Variants in ZNF226 observed in about 807,000 individuals in gnomAD.
ZNF226 encodes the protein Kruppel-associated box protein.
Under a neutral mutation model 11.4 loss-of-function variants are expected in ZNF226, and 6 were observed. The ratio of observed to expected loss-of-function variants is 0.53; its 90% CI spans 0.29 to 1.04. The LOEUF (loss-of-function observed/expected upper bound fraction) is 1.04. Among genes scored for constraint, ZNF226 ranks in the 50% least tolerant of loss-of-function variants. The pLI, the probability that ZNF226 is intolerant of heterozygous loss-of-function variation, is 0.08. For missense variants in ZNF226, 1,058 were observed against 956.5 expected (o/e 1.11, Z -1.40); for synonymous variants, 350 against 322.8 (o/e 1.08, Z -0.90).
At chr19:44,178,740 T>G (rs984367697), downstream of ZNF226, among the ~76,000 whole-genome samples, 1 of 152,150 alleles carries the variant, frequency 6.6e-6, no homozygotes, top group African/African-American at 2.4e-5. Flanking sequence ...AATTTTTGAT[T>G]AGGAGATTCA....
chr19:44,174,484 C>T (rs1157499475), intron 5 of ZNF226: 1 of 152,236 alleles, frequency 6.6e-6, no homozygotes, highest in Non-Finnish European at 1.5e-5. Flanking sequence ...TTTGCTTCTT[C>T]CAAAGTCCAC....
the ZNF226 span, among the ~76,000 whole-genome samples, chr19:44,194,789 A>G: frequency 0.14 from 21,391 of 152,214 alleles, 3,833 homozygotes; most frequent in African/African-American, 0.41. Context: ...CATACAGACA[A>G]CACAAAAAGA....
intron 2 of ZNF226, chr19:44,166,898 GTT>G (rs1474671554): frequency 6.6e-6 from 1 of 152,180 alleles, no homozygotes; most frequent in African/African-American, 2.4e-5. Context: ...CGAGATGCAT[GTT>G]AAAGTTTGAG....
the ZNF226 span, among the ~76,000 whole-genome samples, chr19:44,190,898 A>T: frequency 6.6e-6 from 1 of 152,314 alleles, no homozygotes; most frequent in South Asian, 2.1e-4. Context: ...AAATATTTCC[A>T]CCTTTGTTCA....
At chr19:44,178,046 A>G (rs372458543), downstream of ZNF226, 1 of 166,802 alleles carries the variant, frequency 6.0e-6, no homozygotes, top group Non-Finnish European at 1.3e-5. Flanking sequence ...TTTGAAAATT[A>G]TGTTGAGATC....
At chr19:44,182,406 T>A (rs1970919649), downstream of ZNF226, among the ~76,000 whole-genome samples, 1 of 151,988 alleles carries the variant, frequency 6.6e-6, no homozygotes, top group Admixed American at 6.5e-5. Context: ...CAAGCAAAAA[T>A]GTCTCCAGAC....
chr19:44,172,850 A>AT lies in ZNF226; in HGVS notation c.143-6dup. The AT allele has an allele frequency of 4.4e-6, 7 of 1,588,670 alleles. No homozygotes were observed. The highest frequency in any genetic ancestry group is 6.0e-6 in the Non-Finnish European group (7 of 1,167,148). ...GTTCATTTTCAACTTGTGATTTGGCATTTTCACAGGGCATCCACCCTTCAA... is the reference window on the plus strand; with the variant it reads ...GTTCATTTTCAACTTGTGATTTGGCATTTTTCACAGGGCATCCACCCTTCAA... On this transcript the variant is annotated splice_polypyrimidine_tract_variant and intron_variant, in intron 4 of 5. Coordinates refer to ENST00000337433, the MANE Select transcript of ZNF226 (RefSeq NM_001032373.2).
At position 44,177,648 on chromosome 19, in the gene ZNF226, A is replaced by C. The variant is rs763503519; in HGVS notation, c.2386A>C (p.Thr796Pro). ...GGGTGGTAAGAACATCAGAGAATCCACACAGGAAAAAAAATCTATAAAATG... is the reference window on the plus strand; with the variant it reads ...GGGTGGTAAGAACATCAGAGAATCCCCACAGGAAAAAAAATCTATAAAATG... ...NRGGKNIRES[T>P]QEKKSIK The change falls in exon 6 of 6, where the codon ACA (threonine) becomes CCA (proline). Residue 796 changes from threonine to proline, a missense_variant. Transcript: ENST00000337433. The C allele has an allele frequency of 1.0e-5, 16 of 1,589,366 alleles. No individual in the cohort carries two copies. The East Asian group carries it at 3.6e-4, about 36-fold the overall frequency.
At chr19:44,170,848 G>C (rs1599724293) in intron 3 of ZNF226, among the ~76,000 whole-genome samples, 2 of 151,836 alleles carry the variant, frequency 1.3e-5, no homozygotes, top group South Asian at 4.2e-4. Flanking sequence ...GGAAGGCAGA[G>C]GTTGCAGTGA....
chr19:44,198,862 TG>T, the ZNF226 span, among the ~76,000 whole-genome samples: 1 of 152,198 alleles, frequency 6.6e-6, no homozygotes, highest in African/African-American at 2.4e-5. Context: ...TGGAGTGCAG[TG>T]GTGCGATCTC....
chr19:44,177,768 A>G (rs1970835805), downstream of ZNF226: 1 of 1,334,990 alleles, frequency 7.5e-7, no homozygotes. Flanking sequence ...CAGTGGTCCA[A>G]AGACAACAAA....
chr19:44,195,799 C>T, the ZNF226 span, among the ~76,000 whole-genome samples: 3 of 152,200 alleles, frequency 2.0e-5, no homozygotes. Context: ...TCCATTTGTC[C>T]TGCTACGGTG....
downstream of ZNF226, among the ~76,000 whole-genome samples, chr19:44,178,695 T>C (rs1970858446): frequency 6.6e-6 from 1 of 152,218 alleles, no homozygotes; most frequent in Admixed American, 6.5e-5. Context: ...GAATATAGAA[T>C]GTGCATCTCT....
intron 2 of ZNF226, among the ~76,000 whole-genome samples, chr19:44,167,478 C>T (rs547549104): frequency 6.9e-4 from 105 of 151,842 alleles, no homozygotes; most frequent in South Asian, 2.1e-3. Context: ...GCCACCACAC[C>T]GGCTAATTTT....
chr19:44,185,031 T>G, the ZNF226 span, among the ~76,000 whole-genome samples: 4 of 152,238 alleles, frequency 2.6e-5, no homozygotes, highest in African/African-American at 9.6e-5. Flanking sequence ...TGCCCTTTTG[T>G]GATTTGCTTA....
At chr19:44,178,133 A>G (rs1266941392), downstream of ZNF226, 1 of 160,210 alleles carries the variant, frequency 6.2e-6, no homozygotes, top group Admixed American at 5.8e-5. Context: ...AGACCATTGA[A>G]ATGTAGAAAA....
intron 5 of ZNF226, chr19:44,174,224 CAT>C (rs1406589468): frequency 7.2e-5 from 11 of 151,992 alleles, no homozygotes; most frequent in African/African-American, 2.4e-4. Context: ...CCTATAGTGT[CAT>C]AGTTGTAACC....
At chr19:44,171,972 G>T in intron 3 of ZNF226, 116 bp from the exon 4 acceptor site, 2 of 1,399,100 alleles carry the variant, frequency 1.4e-6, no homozygotes, top group Non-Finnish European at 9.9e-7. Flanking sequence ...ACAGGAGAAG[G>T]GCTGGGAAAT....
chr19:44,176,334 A>G lies in ZNF226; in HGVS notation c.1072A>G (p.Thr358Ala), dbSNP rs1302017275. The stretch of plus-strand genomic sequence containing the variant: ...ACTTAATGTTCATTGCAAGGTCCAC[A>G]CGGCAGAGAAACCTTATAATTGTGA... Reference protein sequence around the residue: ...SALNVHCKVHTAEKPYNCEEC... With the variant: ...SALNVHCKVHAAEKPYNCEEC... Residue 358 changes from threonine to alanine, a missense_variant, in exon 6 of 6, where the codon ACG (threonine) becomes GCG (alanine). Transcript: ENST00000337433. 1 of 1,614,082 alleles carries G rather than the reference A, an allele frequency of 6.2e-7. No homozygotes were observed. The highest frequency in any genetic ancestry group is 8.5e-7 in the Non-Finnish European group (1 of 1,180,032).
Sources: gnomAD v4.1 joint callset for allele counts (sites outside exome capture counted in the v4.1 genomes callset) on GRCh38, gnomAD v4.1.1 for gene constraint, MANE v1.5 for transcripts, NCBI Gene and HGNC (gene_info 2026-07-23, HGNC 2026-07-21) for gene names.